The following SCARB1 variants were observed in gnomAD, a reference collection of about 807,000 sequenced individuals.
SCARB1 encodes scavenger receptor class B member 1.
In SCARB1, 30 loss-of-function variants were observed where a neutral mutation model predicts 57.2. That is an observed-to-expected ratio of 0.52 (90% CI 0.39 to 0.71). The LOEUF (loss-of-function observed/expected upper bound fraction) is 0.71. SCARB1 is among the 30% of genes least tolerant of loss of function. SCARB1 has a pLI of 0.00. For missense variants in SCARB1, 543 were observed against 671.2 expected (o/e 0.81, Z 2.11); for synonymous variants, 249 against 268.3 (o/e 0.93, Z 0.70).
At chr12:124,787,274 G>T in intron 10 of SCARB1, 132 bp downstream of exon 10, 1 of 769,516 alleles carries the variant, frequency 1.3e-6, no homozygotes, top group Non-Finnish European at 2.2e-6. Context: ...TGATACGCTG[G>T]TCCATGTCAC....
intron 4 of SCARB1, among the ~76,000 whole-genome samples, chr12:124,813,784 A>AG (rs1049341282): frequency 2.6e-4 from 40 of 152,238 alleles, no homozygotes; most frequent in African/African-American, 9.4e-4. Context: ...ACCTGCGGTG[A>AG]GGGAGCCAAG....
intron 1 of SCARB1, among the ~76,000 whole-genome samples, chr12:124,828,306 C>T (rs1208093385): frequency 6.6e-6 from 1 of 152,036 alleles, no homozygotes; most frequent in Non-Finnish European, 1.5e-5. Context: ...TAACACCCCG[C>T]TCGCCCAGGT....
In SCARB1 at chr12:124,822,736, AT is replaced by A. The variant is rs1379479044; in HGVS notation, c.127-5030del. On this transcript the variant is annotated intron_variant, in intron 1 of 12. Transcript: ENST00000261693. The surrounding 1 kb of genome is among the most constrained non-coding windows in gnomAD (Gnocchi z 5.0). ...CGTGTCTCTACTAAAAATACAAAAA[AT>A]ATTAGCCGGGCATGGTGGCGCACAC... Among the ~76,000 whole-genome samples, 1 of 152,148 alleles carries A rather than the reference AT, an allele frequency of 6.6e-6. No homozygotes were observed. The highest frequency in any genetic ancestry group is 2.4e-5 in the African/African-American group (1 of 41,430).
chr12:124,819,836 C>T lies in SCARB1; in HGVS notation c.127-2129G>A, dbSNP rs567794103. ...ATTTGGAGGCAGCCAGACCCTGGGTCGCACTCCACGGGGCCACTTGGGCAA... is the reference window on the plus strand; with the variant it reads ...ATTTGGAGGCAGCCAGACCCTGGGTTGCACTCCACGGGGCCACTTGGGCAA... On this transcript the variant is annotated intron_variant, in intron 1 of 12. Transcript: ENST00000261693. 2.0e-5 allele frequency among the ~76,000 whole-genome samples: 3 copies of T among 152,326 alleles called. No individual in the cohort carries two copies. The South Asian group carries it at 6.2e-4, about 32-fold the overall frequency.
intron 1 of SCARB1, among the ~76,000 whole-genome samples, chr12:124,826,410 ATG>A (rs1301044466): frequency 2.0e-5 from 3 of 151,636 alleles, no homozygotes; most frequent in Admixed American, 6.6e-5. Context: ...TCATTTCACT[ATG>A]TGTGTGTATA....
chr12:124,781,968 C>T (rs571855204), intron 12 of SCARB1, among the ~76,000 whole-genome samples: 80 of 152,256 alleles, frequency 5.3e-4, no homozygotes, highest in African/African-American at 1.7e-3. Context: ...TGCAGTGGCA[C>T]GATCTTGGCT....
At chr12:124,806,444 A>C (rs6488942) in intron 7 of SCARB1, among the ~76,000 whole-genome samples, 6,273 of 152,232 alleles carry the variant, frequency 0.041, 239 homozygotes, top group African/African-American at 0.099. Flanking sequence ...CTAGCCACCC[A>C]CACTGCGGAA....
At position 124,817,769 on chromosome 12, in the gene SCARB1, AAG is replaced by A; in HGVS notation, c.127-64_127-63del. The A allele has an allele frequency of 6.3e-7, 1 of 1,583,216 alleles. No individual in the cohort carries two copies. The highest frequency in any genetic ancestry group is 1.3e-5 in the African/African-American group (1 of 74,358). ...TGATGAGGGCCCCACGCCCCACCAC[AAG>A]GCTCCGGAACAGCTGCCCGAGCCCG... is the stretch of plus-strand genomic sequence containing the variant. On this transcript the variant is annotated intron_variant, in intron 1 of 12. Coordinates refer to ENST00000261693, the MANE Select transcript of SCARB1 (RefSeq NM_005505.5). The surrounding 1 kb of genome is among the most constrained non-coding windows in gnomAD (Gnocchi z 4.8).
At chr12:124,799,460 G>A (rs996143343) in intron 8 of SCARB1, among the ~76,000 whole-genome samples, 11 of 152,026 alleles carry the variant, frequency 7.2e-5, no homozygotes, top group Admixed American at 4.6e-4. Context: ...CAGGGAGGTC[G>A]AAGCTGCAGT....
chr12:124,782,523 C>A (rs1949355160), intron 12 of SCARB1, among the ~76,000 whole-genome samples, 160 bp downstream of exon 12: 1 of 152,258 alleles, frequency 6.6e-6, no homozygotes, highest in Non-Finnish European at 1.5e-5. Flanking sequence ...AGGGCAGTTT[C>A]TCCAAAAGCA....
At chr12:124,799,984 C>T (rs1950074651) in intron 8 of SCARB1, 140 bp downstream of exon 8, 1 of 726,926 alleles carries the variant, frequency 1.4e-6, no homozygotes, top group East Asian at 2.5e-5. Context: ...AAGTAAGGAA[C>T]TTTGGTGGCT....
Position 124,807,965 on chromosome 12 carries a change from C to G in SCARB1, c.843-38G>C. ...GACAGGATGAGAGGGGACACCCAGA[C>G]CCGGCGGCCAGAGCCAGGCCCTGCC... On this transcript the variant is annotated intron_variant, in intron 6 of 12. Coordinates refer to ENST00000261693, the MANE Select transcript of SCARB1 (RefSeq NM_005505.5). The surrounding 1 kb of genome is among the most constrained non-coding windows in gnomAD (Gnocchi z 5.3). 6.2e-7 allele frequency: 1 copy of G among 1,608,706 alleles called. No individual in the cohort carries two copies.
chr12:124,827,363 T>A (rs1333632256), intron 1 of SCARB1, among the ~76,000 whole-genome samples: 2 of 152,184 alleles, frequency 1.3e-5, no homozygotes, highest in African/African-American at 4.8e-5. Context: ...TGCTTTCTCA[T>A]ACAACGTCTG....
rs532275169 is a variant in SCARB1 at position 124,814,672 on chromosome 12, C to T, written c.427-267G>A. Among the ~76,000 whole-genome samples the T allele has an allele frequency of 3.9e-5, 6 of 152,280 alleles. No homozygotes were observed. Among genetic ancestry groups the T allele is most frequent in the South Asian group, 2.1e-4 (1 of 4,828 alleles). ...TGAACTCCAGCCCCAGTCCCAGAGG[C>T]GGGCCTGTGGCTCAGCCCTCAACAA... On this transcript the variant is annotated intron_variant, in intron 3 of 12. Transcript: ENST00000261693. This position sits in a 1 kb window ranked among gnomAD's most constrained non-coding sequence, Gnocchi z 4.7.
At chr12:124,840,625 C>T (rs1444372877) in intron 1 of SCARB1, among the ~76,000 whole-genome samples, 2 of 152,134 alleles carry the variant, frequency 1.3e-5, no homozygotes, top group Non-Finnish European at 2.9e-5. Context: ...CTTCTCGTCT[C>T]GGAAAATGGC....
At chr12:124,786,855 G>C (rs989816372) in intron 10 of SCARB1, among the ~76,000 whole-genome samples, 1 of 152,240 alleles carries the variant, frequency 6.6e-6, no homozygotes, top group African/African-American at 2.4e-5. Flanking sequence ...GCAGGGAGCA[G>C]AGCTCTGCCT....
chr12:124,790,539 T>G (rs1303236600), intron 9 of SCARB1, among the ~76,000 whole-genome samples: 1 of 152,194 alleles, frequency 6.6e-6, no homozygotes, highest in Non-Finnish European at 1.5e-5. Context: ...TTAGCCTTGT[T>G]GTGTTCCTTT....
chr12:124,797,326 G>A (rs534734736), intron 8 of SCARB1, among the ~76,000 whole-genome samples: 12 of 151,972 alleles, frequency 7.9e-5, no homozygotes, highest in South Asian at 2.1e-4. Flanking sequence ...TGAGTCCCCC[G>A]TCCCCATGCC....
At chr12:124,829,392 T>C (rs908668544) in intron 1 of SCARB1, among the ~76,000 whole-genome samples, 2 of 152,180 alleles carry the variant, frequency 1.3e-5, no homozygotes, top group African/African-American at 4.8e-5. Flanking sequence ...GTTATCCTTT[T>C]AAGATTAAAG....
Sources: gnomAD v4.1 joint callset for allele counts (sites outside exome capture counted in the v4.1 genomes callset) on GRCh38, gnomAD v4.1.1 for gene constraint, Gnocchi (gnomAD v3.1) non-coding constraint, MANE v1.5 for transcripts, NCBI Gene and HGNC (gene_info 2026-07-23, HGNC 2026-07-21) for gene names.